Variants in KLHL14 observed in about 807,000 individuals in gnomAD.
KLHL14 encodes kelch-like protein 14.
A neutral mutation model predicts 64.3 loss-of-function variants in KLHL14; 22 were observed. That is an observed-to-expected ratio of 0.34 (90% CI 0.24 to 0.49). The LOEUF (loss-of-function observed/expected upper bound fraction) is 0.49, where lower values mean the gene tolerates loss of function less well. KLHL14 is among the 20% of genes least tolerant of loss of function. The pLI is 0.99. For synonymous variants in KLHL14, 322 were observed against 333.4 expected, an observed-to-expected ratio of 0.97 and a Z score of 0.37; for missense variants, 661 against 789.0, an observed-to-expected ratio of 0.84 and a Z score of 1.94.
intron 3 of KLHL14, among the ~76,000 whole-genome samples, chr18:32,707,855 A>T (rs2049998232): frequency 6.6e-6 from 1 of 152,172 alleles, no homozygotes; most frequent in Non-Finnish European, 1.5e-5. Context: ...CATAGCTGTA[A>T]GTATGGCTAT....
intron 2 of KLHL14, among the ~76,000 whole-genome samples, chr18:32,753,901 A>G (rs144515470): frequency 8.1e-4 from 124 of 152,358 alleles, no homozygotes; most frequent in Non-Finnish European, 1.5e-3. Flanking sequence ...TCTGAAGAGC[A>G]TAAATTGCAA....
In KLHL14 at chr18:32,683,258, G is replaced by T. The variant is rs2049852156; in HGVS notation, c.1239-2659C>A. ...CTAGCTTTATCCACACAGTGTCACTGTTAGGATCTAAATGGGAAAAAATCA... is the reference window on the plus strand; with the variant it reads ...CTAGCTTTATCCACACAGTGTCACTTTTAGGATCTAAATGGGAAAAAATCA... On this transcript the variant is annotated intron_variant, in intron 5 of 8. Transcript: ENST00000359358. This position sits in a 1 kb window ranked among gnomAD's most constrained non-coding sequence, Gnocchi z 4.2. Among the ~76,000 whole-genome samples, 1 of 152,132 alleles carries T rather than the reference G, an allele frequency of 6.6e-6. No individual in the cohort carries two copies.
intron 3 of KLHL14, among the ~76,000 whole-genome samples, chr18:32,703,468 C>T (rs1293354252): frequency 6.6e-6 from 1 of 152,166 alleles, no homozygotes; most frequent in Non-Finnish European, 1.5e-5. Flanking sequence ...ACCCATGCAA[C>T]ACATATGTCA....
chr18:32,753,994 G>A (rs1273745216), intron 2 of KLHL14, among the ~76,000 whole-genome samples: 2 of 152,228 alleles, frequency 1.3e-5, no homozygotes, highest in African/African-American at 4.8e-5. Context: ...TAATCCTCCT[G>A]CCTGCAAGTG....
intron 5 of KLHL14, among the ~76,000 whole-genome samples, chr18:32,686,052 C>T (rs1189117805): frequency 6.8e-6 from 1 of 147,844 alleles, no homozygotes; most frequent in East Asian, 2.0e-4. Context: ...TACTTTGTTG[C>T]CCAGGCTGGA....
intron 4 of KLHL14, among the ~76,000 whole-genome samples, chr18:32,693,599 A>G (rs2049922685): frequency 6.6e-6 from 1 of 152,200 alleles, no homozygotes; most frequent in African/African-American, 2.4e-5. Flanking sequence ...ACTTTTCAAA[A>G]GCACACAATG....
chr18:32,731,529 TTGGG>T (rs1230095705), intron 3 of KLHL14, among the ~76,000 whole-genome samples: 1 of 152,086 alleles, frequency 6.6e-6, no homozygotes, highest in Non-Finnish European at 1.5e-5. Context: ...AAGATAGCTA[TTGGG>T]TACTGAGCTT....
intron 5 of KLHL14, among the ~76,000 whole-genome samples, chr18:32,682,675 T>A (rs2049847937): frequency 6.6e-6 from 1 of 152,174 alleles, no homozygotes; most frequent in South Asian, 2.1e-4. Flanking sequence ...GATAAACTGA[T>A]TCCTTCTATT....
In KLHL14 at chr18:32,680,479, A is replaced by G; in HGVS notation, c.1359T>C (p.Tyr453=). 6.2e-7 allele frequency: 1 copy of G among 1,614,052 alleles called. No individual in the cohort carries two copies. The highest frequency in any genetic ancestry group is 2.2e-5 in the East Asian group (1 of 44,884). The stretch of plus-strand genomic sequence containing the variant: ...CCAGAGGCTGTGGCAAAGAGGACAC[A>G]TAGCGCCATTCATTCGTTTCTAGGT... ...CYNLETNEWR[Y]VSSLPQPLAA... Residue 453 remains tyrosine, a synonymous_variant, in exon 6 of 9, where the codon TAT becomes TAC. Transcript: ENST00000359358. This position sits in a 1 kb window ranked among gnomAD's most constrained non-coding sequence, Gnocchi z 4.8.
At position 32,741,955 on chromosome 18, in the gene KLHL14, C is replaced by T; in HGVS notation, c.1042G>A (p.Glu348Lys). 6.2e-7 allele frequency: 1 copy of T among 1,608,178 alleles called. No homozygotes were observed. The highest frequency in any genetic ancestry group is 1.1e-5 in the South Asian group (1 of 89,220). The change falls in exon 3 of 9, where the codon GAA becomes AAA. Residue 348 changes from glutamate (E) to lysine (K), a missense_variant. Around this residue, in one of 2 missense-constraint regions of KLHL14, gnomAD observed 330 missense variants for 450.0 expected, o/e 0.73. Coordinates refer to ENST00000359358, the MANE Select transcript of KLHL14 (RefSeq NM_020805.3). ...PSNLVQYYDD[E>K]KKTWKILTIM... is the part of the protein sequence containing the mutation. Reference sequence around the variant, plus strand: ...GTGAGTATTTTCCATGTCTTCTTTTCATCGTCGTAATACTGAACCAAATTG... The same window carrying T: ...GTGAGTATTTTCCATGTCTTCTTTTTATCGTCGTAATACTGAACCAAATTG...
rs565196022 is a variant in KLHL14 at position 32,698,641 on chromosome 18, T to G, written c.1070-3089A>C. On this transcript the variant is annotated intron_variant, in intron 3 of 8. Transcript: ENST00000359358. ...TCAGAGGGAGTAGGAGAGAGGCACTTTCAAATCAGATTTAAAATATAATAA... is the reference window on the plus strand; with the variant it reads ...TCAGAGGGAGTAGGAGAGAGGCACTGTCAAATCAGATTTAAAATATAATAA... Among the ~76,000 whole-genome samples, 16 of 152,316 alleles carry G rather than the reference T, an allele frequency of 1.1e-4. 1 individual carries two copies. The East Asian group carries it at 3.1e-3, about 29-fold the overall frequency.
At chr18:32,732,680 C>T (rs1014860051) in intron 3 of KLHL14, among the ~76,000 whole-genome samples, 3 of 152,082 alleles carry the variant, frequency 2.0e-5, no homozygotes, top group Admixed American at 2.0e-4. Context: ...GAACAGGCTC[C>T]CAGTTAACCT....
intron 1 of KLHL14, among the ~76,000 whole-genome samples, chr18:32,771,681 G>A (rs965454572): frequency 6.6e-6 from 1 of 151,876 alleles, no homozygotes; most frequent in African/African-American, 2.4e-5. Flanking sequence ...GGCCGGGAGG[G>A]ATTCGTGTGC....
chr18:32,702,962 T>C (rs1251098037), intron 3 of KLHL14, among the ~76,000 whole-genome samples: 3 of 152,236 alleles, frequency 2.0e-5, no homozygotes, highest in Non-Finnish European at 4.4e-5. Context: ...TTGTCTCTCA[T>C]AGTTCAAAAC....
intron 3 of KLHL14, among the ~76,000 whole-genome samples, chr18:32,714,783 GAAC>G (rs1187456893): frequency 4.6e-5 from 7 of 151,880 alleles, no homozygotes; most frequent in Non-Finnish European, 7.4e-5. Context: ...AAAACATCAA[GAAC>G]TATGCTCAGG....
Position 32,673,882 on chromosome 18 carries a change from T to C in KLHL14, c.*775A>G, listed in dbSNP as rs1168079455. 6.6e-6 allele frequency: 1 copy of C among 152,200 alleles called. No individual in the cohort carries two copies. The highest frequency in any genetic ancestry group is 2.4e-5 in the African/African-American group (1 of 41,440). The allele number at this position is 152,200 out of a possible 1,614,324, so 9.4% of individuals were successfully genotyped here. ...AAATAACATGTGTGTTCACTACTTATATATCACAAAATATGAAAAAGCACA... is the reference window on the plus strand; with the variant it reads ...AAATAACATGTGTGTTCACTACTTACATATCACAAAATATGAAAAAGCACA... On this transcript the variant is annotated 3_prime_UTR_variant, in exon 9 of 9. Transcript: ENST00000359358.
chr18:32,680,309 T>A lies in KLHL14; in HGVS notation c.1448A>T (p.Glu483Val), dbSNP rs138889729. 1 of 1,613,916 alleles carries A rather than the reference T, an allele frequency of 6.2e-7. No homozygotes were observed. Among genetic ancestry groups the A allele is most frequent in the East Asian group, 2.2e-5 (1 of 44,876 alleles). ...ATAGCAATATAGCCATGGGACATAT[T>A]CTCCATTGTGTACACCCCCTGTGAA... ...IYISGGVHNGEYVPWLYCYDP... is the reference protein window; with the variant it reads ...IYISGGVHNGVYVPWLYCYDP... Residue 483 changes from glutamate (E) to valine (V), a missense_variant, in exon 7 of 9, where the codon GAA (glutamate) becomes GTA (valine). Glu to Val is a moderately radical substitution (Grantham distance 121, BLOSUM62 -2). This residue lies in a region of KLHL14 where 330 missense variants were observed against 450.0 expected (regional missense o/e 0.73). Transcript: ENST00000359358. This position sits in a 1 kb window ranked among gnomAD's most constrained non-coding sequence, Gnocchi z 4.8.
At chr18:32,693,258 C>T (rs1232903881) in intron 4 of KLHL14, among the ~76,000 whole-genome samples, 3 of 152,022 alleles carry the variant, frequency 2.0e-5, no homozygotes, top group Non-Finnish European at 4.4e-5. Flanking sequence ...GTGAGCCCAG[C>T]CCATGGTCCA....
chr18:32,769,554 C>G, intron 2 of KLHL14, 91 bp downstream of exon 2: 2 of 1,026,214 alleles, frequency 1.9e-6, no homozygotes, highest in Non-Finnish European at 1.3e-6. Context: ...CCAGGCCACC[C>G]ATCTCTTCCC....
Sources: gnomAD v4.1 joint callset for allele counts (sites outside exome capture counted in the v4.1 genomes callset) on GRCh38, gnomAD v4.1.1 for gene constraint, gnomAD v4.1.1 regional missense constraint, Gnocchi (gnomAD v3.1) non-coding constraint, MANE v1.5 for transcripts, NCBI Gene and HGNC (gene_info 2026-07-23, HGNC 2026-07-21) for gene names.